Variants in KCNQ3 observed in about 807,000 individuals in gnomAD.
KCNQ3 encodes potassium voltage-gated channel subfamily KQT member 3.
Under a neutral mutation model 92.5 loss-of-function variants are expected in KCNQ3, and 30 were observed. The observed-to-expected ratio is 0.32, with a 90% CI of 0.24 to 0.44. The LOEUF is 0.44. Ranked by LOEUF, KCNQ3 falls within the 20% of genes least tolerant of loss-of-function variation. KCNQ3 has a pLI of 1.00. For synonymous variants in KCNQ3, 450 were observed against 468.8 expected (o/e 0.96, Z 0.52); for missense variants, 913 against 1,140.3 (o/e 0.80, Z 2.87).
chr8:132,196,931 A>G (rs1827315010), intron 1 of KCNQ3, among the ~76,000 whole-genome samples: 1 of 152,206 alleles, frequency 6.6e-6, no homozygotes, highest in South Asian at 2.1e-4. Context: ...ACTACACAGT[A>G]CTGATATGTC....
At chr8:132,455,629 T>C (rs775591666) in intron 1 of KCNQ3, among the ~76,000 whole-genome samples, 1 of 152,250 alleles carries the variant, frequency 6.6e-6, no homozygotes, top group Non-Finnish European at 1.5e-5. Context: ...GTCCTCGTCA[T>C]TGCTGTCCTA....
intron 9 of KCNQ3, 37 bp from the exon 10 acceptor site, chr8:132,141,368 C>T (rs1336416432): frequency 1.3e-6 from 2 of 1,578,314 alleles, no homozygotes; most frequent in Admixed American, 3.3e-5. Context: ...TTTCCTCCTT[C>T]AGTGCAGGCT....
chr8:132,335,375 G>A (rs1438935983), intron 1 of KCNQ3, among the ~76,000 whole-genome samples: 1 of 152,028 alleles, frequency 6.6e-6, no homozygotes, highest in Non-Finnish European at 1.5e-5. Flanking sequence ...CCATTATCTT[G>A]CACCCAAGTC....
intron 1 of KCNQ3, among the ~76,000 whole-genome samples, chr8:132,418,656 C>T (rs935949029): frequency 3.3e-5 from 5 of 152,156 alleles, no homozygotes; most frequent in East Asian, 3.9e-4. Flanking sequence ...TGTGGTGGTG[C>T]GTGCCTGTAG....
chr8:132,300,013 T>G (rs1817165401), intron 1 of KCNQ3, among the ~76,000 whole-genome samples: 1 of 152,212 alleles, frequency 6.6e-6, no homozygotes, highest in Non-Finnish European at 1.5e-5. Flanking sequence ...TATCTATTTA[T>G]GTGTCTGATT....
At chr8:132,363,432 C>T (rs1819226107) in intron 1 of KCNQ3, among the ~76,000 whole-genome samples, 2 of 152,048 alleles carry the variant, frequency 1.3e-5, no homozygotes, top group South Asian at 2.1e-4. Flanking sequence ...GAAAATGCTA[C>T]CGGGCCAGGT....
intron 1 of KCNQ3, among the ~76,000 whole-genome samples, chr8:132,422,896 A>C (rs578003816): frequency 2.0e-5 from 3 of 152,242 alleles, no homozygotes; most frequent in South Asian, 4.2e-4. Flanking sequence ...AAATTGCATG[A>C]GTGAAAACAC....
intron 1 of KCNQ3, among the ~76,000 whole-genome samples, chr8:132,391,248 T>C (rs1820039570): frequency 6.6e-6 from 1 of 152,174 alleles, no homozygotes; most frequent in African/African-American, 2.4e-5. Context: ...CCCATGAAGA[T>C]GATGGTATCA....
intron 1 of KCNQ3, among the ~76,000 whole-genome samples, chr8:132,317,094 C>T (rs141358787): frequency 6.6e-6 from 1 of 152,166 alleles, no homozygotes; most frequent in African/African-American, 2.4e-5. Context: ...TTAGTGGTAT[C>T]TTTTTGCTAT....
intron 6 of KCNQ3, among the ~76,000 whole-genome samples, chr8:132,173,730 G>A (rs112711488): frequency 4.7e-4 from 72 of 152,294 alleles, no homozygotes; most frequent in African/African-American, 1.3e-3. Flanking sequence ...GACACTGGGC[G>A]TTGGGGAAGT....
intron 1 of KCNQ3, among the ~76,000 whole-genome samples, chr8:132,294,103 C>T (rs1025509591): frequency 2.0e-5 from 3 of 150,532 alleles, no homozygotes; most frequent in Non-Finnish European, 3.0e-5. Flanking sequence ...CGGGTTCACG[C>T]CATTCTCCTG....
At chr8:132,381,543 T>C (rs1819750731) in intron 1 of KCNQ3, among the ~76,000 whole-genome samples, 1 of 152,158 alleles carries the variant, frequency 6.6e-6, no homozygotes. Context: ...GGAGAACACT[T>C]TCCCCAAGAG....
At position 132,252,297 on chromosome 8, in the gene KCNQ3, G is replaced by A. The variant is rs541498671; in HGVS notation, c.387-66116C>T. Among the ~76,000 whole-genome samples the A allele has an allele frequency of 3.5e-4, 46 of 131,490 alleles. No individual in the cohort carries two copies. In the East Asian group the frequency reaches 0.012, roughly 33 times the overall value. 86.3% of individuals were successfully genotyped at this position (131,490 alleles called of 152,430 possible). A position where few individuals can be genotyped will look rare whatever the true frequency, so the allele number is the denominator to read the frequency against. On this transcript the variant is annotated intron_variant, in intron 1 of 14. Coordinates refer to ENST00000388996, the MANE Select transcript of KCNQ3 (RefSeq NM_004519.4). ...TTCCTTCAGATGTTCAGATGTGTCC[G>A]GAGTTTCTTCCTTCCAGTGGGTCAT...
At chr8:132,469,202 A>G (rs919965991) in intron 1 of KCNQ3, among the ~76,000 whole-genome samples, 3 of 152,240 alleles carry the variant, frequency 2.0e-5, no homozygotes, top group Admixed American at 2.0e-4. Flanking sequence ...TAGATGCCCA[A>G]TAAAAGTAAG....
chr8:132,333,841 C>A lies in KCNQ3; in HGVS notation c.386+146306G>T, dbSNP rs527968210. On this transcript the variant is annotated intron_variant, in intron 1 of 14. Coordinates refer to ENST00000388996, the MANE Select transcript of KCNQ3 (RefSeq NM_004519.4). ...CTCCGGTTCCCGAGTTCAAGTGATTCCCCTGCCTCAGGCTTTGGAACAGCT... is the reference window on the plus strand; with the variant it reads ...CTCCGGTTCCCGAGTTCAAGTGATTACCCTGCCTCAGGCTTTGGAACAGCT... Among the ~76,000 whole-genome samples, 439 of 151,720 alleles carry A rather than the reference C, an allele frequency of 2.9e-3. 1 individual carries two copies. Among genetic ancestry groups the A allele is most frequent in the African/African-American group, 1.0e-2 (411 of 41,304 alleles).
intron 1 of KCNQ3, among the ~76,000 whole-genome samples, chr8:132,388,002 AGAAGAG>A (rs201599719): frequency 4.0e-4 from 50 of 126,432 alleles, no homozygotes; most frequent in South Asian, 1.8e-3. Flanking sequence ...AGGAAGAAGA[AGAAGAG>A]GAAGAGGAAG....
chr8:132,122,798 T>A lies in KCNQ3; in HGVS notation c.*6464A>T, dbSNP rs913313947. ...GCCCTGCCAAATTCTGGCCGATTTATCCCGAGAACAATGTAAGTGGAAACT... is the reference window on the plus strand; with the variant it reads ...GCCCTGCCAAATTCTGGCCGATTTAACCCGAGAACAATGTAAGTGGAAACT... On this transcript the variant is annotated 3_prime_UTR_variant, in exon 15 of 15. Transcript: ENST00000388996. The A allele has an allele frequency of 6.6e-6, 1 of 152,068 alleles. No homozygotes were observed. The highest frequency in any genetic ancestry group is 1.5e-5 in the Non-Finnish European group (1 of 67,980). 9.4% of individuals were successfully genotyped at this position (152,068 alleles called of 1,614,324 possible). A position where few individuals can be genotyped will look rare whatever the true frequency, so the allele number is the denominator to read the frequency against.
chr8:132,258,058 A>T (rs1167554799), intron 1 of KCNQ3, among the ~76,000 whole-genome samples: 4 of 150,694 alleles, frequency 2.7e-5, no homozygotes, highest in Non-Finnish European at 5.9e-5. Context: ...GTTTAAAAAG[A>T]ATCACTGGAG....
At chr8:132,431,044 C>G (rs1821237022) in intron 1 of KCNQ3, among the ~76,000 whole-genome samples, 2 of 152,160 alleles carry the variant, frequency 1.3e-5, no homozygotes, top group Non-Finnish European at 2.9e-5. Flanking sequence ...GGCTTTGTGT[C>G]TAAGAGCAGC....
Sources: allele counts gnomAD v4.1 joint callset (sites outside exome capture counted in the v4.1 genomes callset), GRCh38; gene constraint gnomAD v4.1.1; transcripts MANE v1.5; gene names NCBI Gene and HGNC (gene_info 2026-07-23, HGNC 2026-07-21).